SYT3: variants seen among roughly 807,000 people sequenced by gnomAD.
SYT3 encodes synaptotagmin 3.
A neutral mutation model predicts 50.6 loss-of-function variants in SYT3; 25 were observed. That is an observed-to-expected ratio of 0.49 (90% CI 0.36 to 0.69). SYT3 has a LOEUF of 0.69. SYT3 is among the 30% of genes least tolerant of loss of function. The pLI is 0.00. For synonymous variants in SYT3, 323 were observed against 353.9 expected (o/e 0.91, Z 0.98); for missense variants, 589 against 793.6 (o/e 0.74, Z 3.10).
intron 6 of SYT3, among the ~76,000 whole-genome samples, chr19:50,626,794 A>G (rs987976094): frequency 1.3e-5 from 2 of 151,716 alleles, no homozygotes; most frequent in African/African-American, 4.8e-5. Context: ...TCAGAGAGAG[A>G]CAGAGGCCCA....
intron 2 of SYT3, among the ~76,000 whole-genome samples, chr19:50,638,792 CAT>C (rs1190924308): frequency 1.3e-5 from 2 of 151,906 alleles, no homozygotes; most frequent in African/African-American, 4.8e-5. Context: ...GGCAGACAGA[CAT>C]GGGTTCATAA....
the SYT3 span, among the ~76,000 whole-genome samples, chr19:50,651,729 T>C: frequency 6.6e-6 from 1 of 151,600 alleles, no homozygotes. Context: ...AAGCTTGAAA[T>C]GGTTGCATTT....
the SYT3 span, among the ~76,000 whole-genome samples, chr19:50,657,305 G>C: frequency 1.3e-5 from 2 of 152,280 alleles, no homozygotes; most frequent in East Asian, 3.9e-4. Flanking sequence ...CTTTGAGCAA[G>C]GGACTCTCCA....
intron 6 of SYT3, chr19:50,626,252 G>GGA (rs1984057385): frequency 4.1e-6 from 2 of 490,222 alleles, no homozygotes; most frequent in Non-Finnish European, 3.6e-6. Flanking sequence ...ATGAGTGAGG[G>GGA]GAGAGAGAGA....
Position 50,630,180 on chromosome 19 carries a change from G to A in SYT3, c.675-9C>T. 2 of 1,514,776 alleles carry A rather than the reference G, an allele frequency of 1.3e-6. No homozygotes were observed. Among genetic ancestry groups the A allele is most frequent in the East Asian group, 2.3e-5 (1 of 43,354 alleles). 93.8% of individuals were successfully genotyped at this position (1,514,776 alleles called of 1,614,324 possible). On this transcript the variant is annotated splice_polypyrimidine_tract_variant and intron_variant, in intron 4 of 10. Transcript: ENST00000600079. ...GGGGCAGGGCTGGGTACCTGTAGGG[G>A]GTTGGGGGGAGACCAAGGTGAGGTC...
At chr19:50,656,275 G>C in the SYT3 span, 1 of 1,536,178 alleles carries the variant, frequency 6.5e-7, no homozygotes, top group Non-Finnish European at 8.7e-7. Context: ...ACTGGACCGA[G>C]AACTCCCGTG....
In SYT3 at chr19:50,625,781, TCC is replaced by T; in HGVS notation, c.1402+114_1402+115del. Reference sequence around the variant, plus strand: ...GCCCCTCCTCCCTCAGACCCAGGAGTCCAGATCCCCAGCTCCTCCTCCCTCAG... The same window carrying T: ...GCCCCTCCTCCCTCAGACCCAGGAGTAGATCCCCAGCTCCTCCTCCCTCAG... On this transcript the variant is annotated intron_variant, in intron 7 of 10. Transcript: ENST00000600079. The surrounding 1 kb of genome is among the most constrained non-coding windows in gnomAD (Gnocchi z 7.5). 1.4e-5 allele frequency: 8 copies of T among 554,208 alleles called. 3 individuals carry two copies. The highest frequency in any genetic ancestry group is 1.8e-5 in the Non-Finnish European group (6 of 328,182). The allele number at this position is 554,208 out of a possible 1,614,324, so 34.3% of individuals were successfully genotyped here. A position where few individuals can be genotyped will look rare whatever the true frequency, so the allele number is the denominator to read the frequency against.
upstream of SYT3, among the ~76,000 whole-genome samples, chr19:50,642,727 G>A (rs1984700708): frequency 6.6e-6 from 1 of 152,116 alleles, no homozygotes; most frequent in Non-Finnish European, 1.5e-5. Context: ...TCAGCTACTT[G>A]GGAGGCTGAA....
At position 50,629,837 on chromosome 19, in the gene SYT3, G is replaced by A; in HGVS notation, c.1009C>T (p.Pro337Ser). The A allele has an allele frequency of 6.2e-7, 1 of 1,614,104 alleles. No homozygotes were observed. The highest frequency in any genetic ancestry group is 1.3e-5 in the African/African-American group (1 of 75,052). Residue 337 changes from proline (P) to serine (S), a missense_variant, in exon 5 of 11, where the codon CCC becomes TCC. Physicochemically the swap from Pro to Ser is moderately conservative, Grantham distance 74. Coordinates refer to ENST00000600079, the MANE Select transcript of SYT3 (RefSeq NM_001160329.2). ...GGCAGCAGGTAGATCTTGACGTAGG[G>A]GTCTGAGAAGCCGTTGGAGTCCTTG... is the stretch of plus-strand genomic sequence containing the variant. ...PAKDSNGFSD[P>S]YVKIYLLPDR... is the part of the protein sequence containing the mutation.
intron 3 of SYT3, among the ~76,000 whole-genome samples, chr19:50,634,111 G>T (rs1278151885): frequency 3.9e-5 from 6 of 152,366 alleles, no homozygotes; most frequent in Non-Finnish European, 8.8e-5. Context: ...GTACAGAATT[G>T]TTCTTACAAT....
chr19:50,649,626 C>T, the SYT3 span: 1 of 1,130,054 alleles, frequency 8.8e-7, no homozygotes, highest in Admixed American at 2.0e-5. Flanking sequence ...AAGTGAAAGC[C>T]ATCCCTAGCA....
chr19:50,644,832 G>A (rs1248407432), upstream of SYT3, among the ~76,000 whole-genome samples: 1 of 151,878 alleles, frequency 6.6e-6, no homozygotes, highest in African/African-American at 2.4e-5. Flanking sequence ...AATAGATGAA[G>A]GGAGGGATGA....
chr19:50,638,652 A>C (rs1414783850), intron 2 of SYT3, among the ~76,000 whole-genome samples: 1 of 152,138 alleles, frequency 6.6e-6, no homozygotes, highest in Non-Finnish European at 1.5e-5. Flanking sequence ...GACGGTGAAG[A>C]GGGGCAGGCA....
Position 50,622,444 on chromosome 19 carries a change from C to G in SYT3, c.*41G>C. ...GGTCCGGGCAGGAAAGGATGGGGTC[C>G]TGAGGGAGCCTGGTCCGATCCCGGG... On this transcript the variant is annotated 3_prime_UTR_variant, in exon 11 of 11. Coordinates refer to ENST00000600079, the MANE Select transcript of SYT3 (RefSeq NM_001160329.2). 1 of 365,620 alleles carries G rather than the reference C, an allele frequency of 2.7e-6. No individual in the cohort carries two copies. The highest frequency in any genetic ancestry group is 5.2e-6 in the Non-Finnish European group (1 of 191,666). 22.6% of individuals were successfully genotyped at this position (365,620 alleles called of 1,614,324 possible).
At position 50,630,066 on chromosome 19, in the gene SYT3, G is replaced by C; in HGVS notation, c.780C>G (p.Gly260=). 1 of 1,613,892 alleles carries C rather than the reference G, an allele frequency of 6.2e-7. No individual in the cohort carries two copies. The highest frequency in any genetic ancestry group is 8.5e-7 in the Non-Finnish European group (1 of 1,179,934). Residue 260 remains glycine (G), a synonymous_variant, in exon 5 of 11, where the codon GGC becomes GGG. Coordinates refer to ENST00000600079, the MANE Select transcript of SYT3 (RefSeq NM_001160329.2). The part of the protein sequence containing the change: ...PPALPLPLPG[G]EEKAKLIGQI... ...GCCCAATGAGTTTGGCTTTTTCCTC[G>C]CCTCCAGGCAGGGGTAAGGGCAGGG...
In SYT3 at chr19:50,639,401, T is replaced by A. The variant is rs902649493; in HGVS notation, c.-153-239A>T. ...GTTGAAGTCCTTAATGCCTCCGGGCTGCAGAGAGGATGGGATTTTTTTTTT... is the reference window on the plus strand; with the variant it reads ...GTTGAAGTCCTTAATGCCTCCGGGCAGCAGAGAGGATGGGATTTTTTTTTT... On this transcript the variant is annotated intron_variant, in intron 1 of 10. Coordinates refer to ENST00000600079, the MANE Select transcript of SYT3 (RefSeq NM_001160329.2). The surrounding 1 kb of genome is among the most constrained non-coding windows in gnomAD (Gnocchi z 4.6). 6.7e-6 allele frequency: 1 copy of A among 149,150 alleles called. No homozygotes were observed. Among genetic ancestry groups the A allele is most frequent in the Non-Finnish European group, 1.5e-5 (1 of 67,550 alleles). The allele number at this position is 149,150 out of a possible 1,614,324, so 9.2% of individuals were successfully genotyped here.
chr19:50,630,248 C>T, intron 4 of SYT3, 77 bp from the exon 5 acceptor site: 1 of 1,384,328 alleles, frequency 7.2e-7, no homozygotes, highest in Non-Finnish European at 9.5e-7. Flanking sequence ...CTGGGAGACT[C>T]CTCCCTGCCT....
At position 50,637,391 on chromosome 19, in the gene SYT3, A is replaced by G. The variant is rs761625578; in HGVS notation, c.21T>C (p.Asp7=). 11 of 1,606,182 alleles carry G rather than the reference A, an allele frequency of 6.8e-6. No homozygotes were observed. Among genetic ancestry groups the G allele is most frequent in the Admixed American group, 1.7e-5 (1 of 59,952 alleles). Residue 7 remains aspartate, a synonymous_variant, in exon 3 of 11, where the codon GAT becomes GAC. Transcript: ENST00000600079. This position sits in a 1 kb window ranked among gnomAD's most constrained non-coding sequence, Gnocchi z 4.9. The part of the protein sequence containing the change: MSGDYE[D]DLCRRALILV... ...GGATGAGTGCCCGCCGGCAGAGGTCATCCTCGTAGTCTCCTGACATGGTGG... is the reference window on the plus strand; with the variant it reads ...GGATGAGTGCCCGCCGGCAGAGGTCGTCCTCGTAGTCTCCTGACATGGTGG...
the SYT3 span, among the ~76,000 whole-genome samples, chr19:50,648,556 C>A: frequency 6.6e-6 from 1 of 152,132 alleles, no homozygotes; most frequent in East Asian, 1.9e-4. Flanking sequence ...CACGGCTAGA[C>A]CCCTTCTCTC....
Sources: gnomAD v4.1 joint callset for allele counts (sites outside exome capture counted in the v4.1 genomes callset) on GRCh38, gnomAD v4.1.1 for gene constraint, Gnocchi (gnomAD v3.1) non-coding constraint, MANE v1.5 for transcripts, NCBI Gene and HGNC (gene_info 2026-07-23, HGNC 2026-07-21) for gene names.